CNTNAP5: variants seen among roughly 807,000 people sequenced by gnomAD.
CNTNAP5 encodes contactin associated protein family member 5.
CNTNAP5 carries 72 observed loss-of-function variants against 150.2 expected under a neutral mutation model. The observed-to-expected ratio is 0.48, with a 90% CI of 0.40 to 0.58. The LOEUF is 0.58. CNTNAP5 is among the 20% of genes least tolerant of loss of function. The pLI is 0.00. For synonymous variants in CNTNAP5, 672 were observed against 619.8 expected (o/e 1.08, Z -1.25); for missense variants, 1,636 against 1,626.2 (o/e 1.01, Z -0.10).
At chr2:124,336,525 T>TC (rs1292290980) in intron 3 of CNTNAP5, among the ~76,000 whole-genome samples, 7 of 71,080 alleles carry the variant, frequency 9.8e-5, no homozygotes, top group East Asian at 6.0e-4. Flanking sequence ...CCCTCCCCCC[T>TC]CCCCCCACCC....
chr2:124,769,174 C>T (rs1573604922), intron 16 of CNTNAP5, among the ~76,000 whole-genome samples: 1 of 152,044 alleles, frequency 6.6e-6, no homozygotes, highest in African/African-American at 2.4e-5. Context: ...AGGATATTCT[C>T]TAATGGGCTT....
At chr2:124,629,951 A>C (rs113242451) in intron 12 of CNTNAP5, among the ~76,000 whole-genome samples, 4 of 148,792 alleles carry the variant, frequency 2.7e-5, no homozygotes, top group South Asian at 2.1e-4. Context: ...AAAAAAAAAA[A>C]AAAACTGGAA....
chr2:124,633,243 C>A (rs576024442), intron 12 of CNTNAP5, among the ~76,000 whole-genome samples: 1 of 152,260 alleles, frequency 6.6e-6, no homozygotes, highest in East Asian at 1.9e-4. Flanking sequence ...TCACTTGAGA[C>A]AAGGCAAGTC....
At chr2:124,470,048 A>G (rs1388666104) in intron 6 of CNTNAP5, among the ~76,000 whole-genome samples, 1 of 152,130 alleles carries the variant, frequency 6.6e-6, no homozygotes, top group Non-Finnish European at 1.5e-5. Context: ...ATGTGCATGT[A>G]TCTTTATAAT....
chr2:124,374,831 C>T (rs1690607124), intron 3 of CNTNAP5, among the ~76,000 whole-genome samples: 1 of 151,982 alleles, frequency 6.6e-6, no homozygotes, highest in South Asian at 2.1e-4. Flanking sequence ...CCTGGAACGT[C>T]CTATGACTCA....
intron 4 of CNTNAP5, among the ~76,000 whole-genome samples, chr2:124,432,621 A>G (rs896971769): frequency 6.6e-6 from 1 of 152,164 alleles, no homozygotes; most frequent in African/African-American, 2.4e-5. Context: ...TCTACTCCAC[A>G]GTCTGGTACA....
chr2:124,251,942 G>A lies in CNTNAP5; in HGVS notation c.381+9549G>A, dbSNP rs142977415. Among the ~76,000 whole-genome samples the A allele has an allele frequency of 5.3e-3, 807 of 152,276 alleles. 5 individuals carry two copies. Among genetic ancestry groups the A allele is most frequent in the Middle Eastern group, 0.02 (6 of 294 alleles). On this transcript the variant is annotated intron_variant, in intron 3 of 23. Transcript: ENST00000682447. ...AAGCATGAGCAAGCTAGCCCACTAC[G>A]TGTAAACAGCTCAGCTGACTGGGTG... is the stretch of plus-strand genomic sequence containing the variant.
chr2:124,200,068 G>A (rs753859860), intron 1 of CNTNAP5, among the ~76,000 whole-genome samples: 11 of 152,098 alleles, frequency 7.2e-5, no homozygotes, highest in Non-Finnish European at 1.6e-4. Context: ...AACAATCTTT[G>A]CAGCATTTCA....
At chr2:124,290,485 C>T (rs982774733) in intron 3 of CNTNAP5, among the ~76,000 whole-genome samples, 31 of 152,258 alleles carry the variant, frequency 2.0e-4, no homozygotes, top group African/African-American at 7.2e-4. Context: ...TCTTCAACTG[C>T]CAGGCTGGCC....
chr2:124,357,005 G>C (rs890970797), intron 3 of CNTNAP5, among the ~76,000 whole-genome samples: 2 of 152,124 alleles, frequency 1.3e-5, no homozygotes, highest in African/African-American at 4.8e-5. Flanking sequence ...CATTCTAACT[G>C]GTGTGAGATG....
At chr2:124,443,093 G>A (rs138583046) in intron 5 of CNTNAP5, among the ~76,000 whole-genome samples, 139 of 152,026 alleles carry the variant, frequency 9.1e-4, no homozygotes, top group African/African-American at 3.1e-3. Flanking sequence ...CTACAAATAC[G>A]CTTGTGCCCA....
At chr2:124,648,067 CTG>C in intron 13 of CNTNAP5, 109 bp downstream of exon 13, 1 of 943,288 alleles carries the variant, frequency 1.1e-6, no homozygotes, top group Non-Finnish European at 1.6e-6. Flanking sequence ...CAGTTAGTCA[CTG>C]TGCACTCGAG....
chr2:124,305,111 C>CAAAAAAAAAAAAAAA (rs57896748), intron 3 of CNTNAP5, among the ~76,000 whole-genome samples: 1 of 86,406 alleles, frequency 1.2e-5, no homozygotes, highest in African/African-American at 4.3e-5. Flanking sequence ...ACAAAAAATA[C>CAAAAAAAAAAAAAAA]AAAAAAAAAA....
intron 1 of CNTNAP5, among the ~76,000 whole-genome samples, chr2:124,209,290 G>A (rs745684939): frequency 3.5e-4 from 53 of 152,136 alleles, no homozygotes; most frequent in Middle Eastern, 3.2e-3. Context: ...GAGAAGATGC[G>A]TTGCCTACCC....
chr2:124,174,016 C>T (rs1446961918), intron 1 of CNTNAP5, among the ~76,000 whole-genome samples: 3 of 150,810 alleles, frequency 2.0e-5, no homozygotes, highest in South Asian at 2.1e-4. Flanking sequence ...ACTTGTGCCT[C>T]ATAAATGGAA....
At chr2:124,743,801 A>G (rs561917035) in intron 13 of CNTNAP5, among the ~76,000 whole-genome samples, 1 of 152,158 alleles carries the variant, frequency 6.6e-6, no homozygotes, top group Admixed American at 6.5e-5. Context: ...TTCCTGTTAA[A>G]CCTTCCTATT....
At chr2:124,488,576 GA>G (rs1396179580) in intron 7 of CNTNAP5, among the ~76,000 whole-genome samples, 1 of 152,134 alleles carries the variant, frequency 6.6e-6, no homozygotes, top group Non-Finnish European at 1.5e-5. Context: ...TAACTAAAAT[GA>G]AATTACATTA....
At position 124,279,963 on chromosome 2, in the gene CNTNAP5, T is replaced by C. The variant is rs560946817; in HGVS notation, c.381+37570T>C. 2.6e-5 allele frequency among the ~76,000 whole-genome samples: 4 copies of C among 152,228 alleles called. No individual in the cohort carries two copies. The South Asian group carries it at 8.3e-4, about 32-fold the overall frequency. On this transcript the variant is annotated intron_variant, in intron 3 of 23. Coordinates refer to ENST00000682447, the MANE Select transcript of CNTNAP5 (RefSeq NM_001367498.1). ...CTCTGTTCCATGCCTTTCGTCCTCCTAATATTTTTCTTTACTTTATACTTA... is the reference window on the plus strand; with the variant it reads ...CTCTGTTCCATGCCTTTCGTCCTCCCAATATTTTTCTTTACTTTATACTTA...
chr2:124,627,018 C>T (rs1006324555), intron 12 of CNTNAP5, among the ~76,000 whole-genome samples: 2 of 152,206 alleles, frequency 1.3e-5, no homozygotes, highest in Admixed American at 6.5e-5. Context: ...TCCCTCCTCA[C>T]TGGAGAGGGC....
Sources: allele counts gnomAD v4.1 joint callset (sites outside exome capture counted in the v4.1 genomes callset), GRCh38; gene constraint gnomAD v4.1.1; transcripts MANE v1.5; gene names NCBI Gene and HGNC (gene_info 2026-07-23, HGNC 2026-07-21).